Variants in TCERG1L observed in about 807,000 individuals in gnomAD.
TCERG1L encodes transcription elongation regulator 1-like protein.
Under a neutral mutation model 56.3 loss-of-function variants are expected in TCERG1L, and 37 were observed. The observed-to-expected ratio is 0.66, with a 90% confidence interval of 0.51 to 0.87. TCERG1L has a LOEUF of 0.87. Among genes scored for constraint, TCERG1L ranks in the 40% least tolerant of loss-of-function variants. The pLI is 0.00. For synonymous variants in TCERG1L, 324 were observed against 326.3 expected (o/e 0.99, Z 0.08); for missense variants, 799 against 774.2 (o/e 1.03, Z -0.38).
chr10:131,108,595 C>T (rs150126813), intron 9 of TCERG1L, among the ~76,000 whole-genome samples: 29 of 152,310 alleles, frequency 1.9e-4, no homozygotes, highest in Non-Finnish European at 3.5e-4. Flanking sequence ...GAATCTCCTT[C>T]ACATCTTAGT....
chr10:131,282,713 C>T (rs1043842521), intron 3 of TCERG1L, among the ~76,000 whole-genome samples: 6 of 152,084 alleles, frequency 3.9e-5, no homozygotes, highest in African/African-American at 1.2e-4. Flanking sequence ...GATAATTGAT[C>T]GATATTTATC....
intron 4 of TCERG1L, among the ~76,000 whole-genome samples, chr10:131,201,384 C>T (rs185158736): frequency 2.4e-4 from 37 of 152,256 alleles, no homozygotes; most frequent in South Asian, 8.3e-4. Flanking sequence ...ATCGAACATC[C>T]GCAGATTTTA....
At chr10:131,256,997 GAAAGAAAGAAAGAAAGAAA>G (rs1846177005) in intron 4 of TCERG1L, among the ~76,000 whole-genome samples, 1 of 74,262 alleles carries the variant, frequency 1.3e-5, no homozygotes, top group Non-Finnish European at 3.0e-5. Context: ...AGGAAGGAAA[GAAAGAAAGAAAGAAAGAAA>G]GAAAGAAAGA....
chr10:131,294,297 G>A (rs1158799563), intron 3 of TCERG1L, among the ~76,000 whole-genome samples: 3 of 152,002 alleles, frequency 2.0e-5, no homozygotes, highest in Non-Finnish European at 4.4e-5. Context: ...TCCATCAAAG[G>A]CCATACACTC....
Position 131,152,883 on chromosome 10 carries a change from C to T in TCERG1L, c.1035-6223G>A, listed in dbSNP as rs899779045. Among the ~76,000 whole-genome samples the T allele has an allele frequency of 7.9e-5, 12 of 152,126 alleles. No homozygotes were observed. The East Asian group carries it at 2.1e-3, about 27-fold the overall frequency. ...GTGCCAGCATAGGAAATGTCAGACG[C>T]TTATAGAACCATCAGATCTCATGAG... On this transcript the variant is annotated intron_variant, in intron 6 of 11. Coordinates refer to ENST00000368642, the MANE Select transcript of TCERG1L (RefSeq NM_174937.4).
chr10:131,185,873 T>C (rs1270230878), intron 4 of TCERG1L, among the ~76,000 whole-genome samples: 2 of 152,190 alleles, frequency 1.3e-5, no homozygotes, highest in Non-Finnish European at 1.5e-5. Context: ...CCCAAAAGAA[T>C]TGAAAACGGA....
chr10:131,277,686 C>T (rs1846407020), intron 3 of TCERG1L, among the ~76,000 whole-genome samples: 1 of 152,186 alleles, frequency 6.6e-6, no homozygotes, highest in South Asian at 2.1e-4. Flanking sequence ...GAGGACAGTG[C>T]CCATGGCAGA....
chr10:131,112,563 G>A (rs1478756225), intron 9 of TCERG1L, among the ~76,000 whole-genome samples: 1 of 142,268 alleles, frequency 7.0e-6, no homozygotes, highest in Non-Finnish European at 1.6e-5. Context: ...CAGGGATGGG[G>A]AACACTCCTG....
At chr10:131,152,937 G>A (rs1356922240) in intron 6 of TCERG1L, among the ~76,000 whole-genome samples, 6 of 152,152 alleles carry the variant, frequency 3.9e-5, no homozygotes, top group African/African-American at 1.4e-4. Flanking sequence ...AGAACAGCAT[G>A]GGGGAAATGG....
intron 10 of TCERG1L, among the ~76,000 whole-genome samples, chr10:131,101,118 G>A (rs1429453374): frequency 1.3e-5 from 2 of 152,340 alleles, no homozygotes; most frequent in South Asian, 2.1e-4. Context: ...TATTTGCAGA[G>A]GACCAGCCCA....
Position 131,195,616 on chromosome 10 carries a change from C to A in TCERG1L, c.857-28731G>T, listed in dbSNP as rs575092884. 2.0e-5 allele frequency among the ~76,000 whole-genome samples: 3 copies of A among 152,148 alleles called. No homozygotes were observed. In the East Asian group the frequency reaches 5.8e-4, roughly 29 times the overall value. On this transcript the variant is annotated intron_variant, in intron 4 of 11. Transcript: ENST00000368642. Reference sequence around the variant, plus strand: ...GGGAGGCCTCTTTCTCCAGCCCGATCGCACAGGACCTCTCCGCTGGGCCCA... The same window carrying A: ...GGGAGGCCTCTTTCTCCAGCCCGATAGCACAGGACCTCTCCGCTGGGCCCA...
intron 4 of TCERG1L, among the ~76,000 whole-genome samples, chr10:131,250,331 G>A (rs572355228): frequency 7.5e-6 from 1 of 133,220 alleles, no homozygotes; most frequent in South Asian, 2.2e-4. Flanking sequence ...TCACTCACAT[G>A]CCGAGCGGGA....
At chr10:131,130,457 C>T (rs1479526879) in intron 8 of TCERG1L, among the ~76,000 whole-genome samples, 3 of 152,138 alleles carry the variant, frequency 2.0e-5, no homozygotes, top group Non-Finnish European at 2.9e-5. Context: ...CCTGTGTCCC[C>T]CTCATGTGAC....
chr10:131,287,436 T>C (rs1033682357), intron 3 of TCERG1L, among the ~76,000 whole-genome samples: 1 of 152,230 alleles, frequency 6.6e-6, no homozygotes, highest in African/African-American at 2.4e-5. Context: ...TTGTTTAAAA[T>C]GATATGAATT....
chr10:131,193,225 GTTTT>G (rs907163234), intron 4 of TCERG1L, among the ~76,000 whole-genome samples: 15 of 151,906 alleles, frequency 9.9e-5, no homozygotes, highest in African/African-American at 3.4e-4. Flanking sequence ...TTGTTGTTGA[GTTTT>G]TTTGAGTTCT....
intron 4 of TCERG1L, among the ~76,000 whole-genome samples, chr10:131,182,034 C>T (rs557806839): frequency 6.6e-6 from 1 of 152,206 alleles, no homozygotes; most frequent in African/African-American, 2.4e-5. Flanking sequence ...GTACATAGCA[C>T]TCTGTGCATG....
chr10:131,136,607 T>C (rs1845677882), intron 7 of TCERG1L, among the ~76,000 whole-genome samples: 1 of 152,038 alleles, frequency 6.6e-6, no homozygotes, highest in Non-Finnish European at 1.5e-5. Context: ...GCAATTCTCC[T>C]GCCTCAGCCT....
chr10:131,166,760 T>C, intron 5 of TCERG1L, 37 bp downstream of exon 5: 1 of 1,602,248 alleles, frequency 6.2e-7, no homozygotes, highest in South Asian at 1.1e-5. Context: ...ACCCAGGGTT[T>C]TGTGTCTTTA....
intron 7 of TCERG1L, among the ~76,000 whole-genome samples, chr10:131,144,760 A>G (rs1589727535): frequency 6.6e-6 from 1 of 152,352 alleles, no homozygotes; most frequent in South Asian, 2.1e-4. Context: ...AATCTAAACT[A>G]ATCAGGTATT....
Sources: gnomAD v4.1 joint callset for allele counts (sites outside exome capture counted in the v4.1 genomes callset) on GRCh38, gnomAD v4.1.1 for gene constraint, MANE v1.5 for transcripts, NCBI Gene and HGNC (gene_info 2026-07-23, HGNC 2026-07-21) for gene names.